Variants in CNTN5 observed in about 807,000 individuals in gnomAD.
The protein encoded by CNTN5 is contactin-5.
Under a neutral mutation model 129.1 loss-of-function variants are expected in CNTN5, and 77 were observed. The ratio of observed to expected loss-of-function variants is 0.60; its 90% confidence interval spans 0.50 to 0.72. The LOEUF (loss-of-function observed/expected upper bound fraction) is 0.72. Among genes scored for constraint, CNTN5 ranks in the 30% least tolerant of loss-of-function variants. The probability of loss-of-function intolerance (pLI) is 0.00; values close to 1 mark genes in which losing one functional copy is unlikely to be tolerated. For missense variants in CNTN5, 1,478 were observed against 1,328.8 expected, an observed-to-expected ratio of 1.11 and a Z score of -1.75; for synonymous variants, 509 against 465.6, an observed-to-expected ratio of 1.09 and a Z score of -1.20.
chr11:99,784,594 T>G (rs1220670742), intron 3 of CNTN5, among the ~76,000 whole-genome samples: 1 of 152,080 alleles, frequency 6.6e-6, no homozygotes, highest in Non-Finnish European at 1.5e-5. Flanking sequence ...TACCCAGTCA[T>G]AGGATTGCTG....
chr11:99,550,659 G>A (rs1418908672), intron 2 of CNTN5, among the ~76,000 whole-genome samples: 1 of 152,112 alleles, frequency 6.6e-6, no homozygotes, highest in Admixed American at 6.6e-5. Context: ...AGTGGGAGTA[G>A]AAACACTTTT....
At chr11:99,414,551 A>T (rs1488142828) in intron 2 of CNTN5, among the ~76,000 whole-genome samples, 2 of 152,134 alleles carry the variant, frequency 1.3e-5, no homozygotes, top group South Asian at 4.1e-4. Context: ...AAATACATAT[A>T]CAGTATGTCA....
At chr11:99,237,584 G>C (rs1318269038) in intron 1 of CNTN5, among the ~76,000 whole-genome samples, 1 of 152,154 alleles carries the variant, frequency 6.6e-6, no homozygotes, top group Non-Finnish European at 1.5e-5. Flanking sequence ...AGGAGGCTGA[G>C]GCAGGGGAAT....
At chr11:99,925,954 G>A (rs1950052670) in intron 7 of CNTN5, among the ~76,000 whole-genome samples, 1 of 152,092 alleles carries the variant, frequency 6.6e-6, no homozygotes, top group Non-Finnish European at 1.5e-5. Context: ...CAGACATCCA[G>A]GGATTCTCAT....
At chr11:99,155,204 C>T (rs866019142) in intron 1 of CNTN5, among the ~76,000 whole-genome samples, 10 of 152,286 alleles carry the variant, frequency 6.6e-5, no homozygotes, top group South Asian at 4.1e-4. Context: ...TTCCCCCTTC[C>T]GCCCAGCATC....
intron 2 of CNTN5, among the ~76,000 whole-genome samples, chr11:99,328,801 C>T (rs749095776): frequency 6.6e-5 from 9 of 136,876 alleles, no homozygotes; most frequent in Admixed American, 5.1e-4. Context: ...ACCCAGGAGG[C>T]GGAGGTTGCA....
At chr11:99,248,897 G>A (rs867004765) in intron 1 of CNTN5, among the ~76,000 whole-genome samples, 14 of 152,198 alleles carry the variant, frequency 9.2e-5, no homozygotes, top group South Asian at 2.1e-4. Flanking sequence ...GTCAGGTAGC[G>A]TGATGCCTCC....
At chr11:99,295,343 T>A (rs1245525273) in intron 1 of CNTN5, among the ~76,000 whole-genome samples, 2 of 152,226 alleles carry the variant, frequency 1.3e-5, no homozygotes, top group East Asian at 1.9e-4. Flanking sequence ...GCTGCACAGG[T>A]ACTTTTCTGT....
intron 3 of CNTN5, among the ~76,000 whole-genome samples, chr11:99,800,805 G>A (rs1428742667): frequency 6.6e-6 from 1 of 152,052 alleles, no homozygotes; most frequent in African/African-American, 2.4e-5. Context: ...CTGAACCTGT[G>A]GGTGTTGTTT....
chr11:100,085,514 A>G (rs1944515722), intron 13 of CNTN5, among the ~76,000 whole-genome samples: 1 of 152,036 alleles, frequency 6.6e-6, no homozygotes. Flanking sequence ...TCATACCAAG[A>G]TAAGTAAGAG....
At chr11:99,389,895 G>A (rs757580320) in intron 2 of CNTN5, among the ~76,000 whole-genome samples, 11 of 152,074 alleles carry the variant, frequency 7.2e-5, no homozygotes, top group Admixed American at 3.3e-4. Flanking sequence ...TCCTTTAATC[G>A]AATGTGAAAG....
chr11:99,994,813 A>G (rs567543607), intron 8 of CNTN5, among the ~76,000 whole-genome samples: 1 of 152,290 alleles, frequency 6.6e-6, no homozygotes, highest in South Asian at 2.1e-4. Context: ...ACTTCACATC[A>G]TTAGAAACAT....
chr11:100,139,662 A>G (rs1156313923), intron 13 of CNTN5, among the ~76,000 whole-genome samples: 1 of 152,092 alleles, frequency 6.6e-6, no homozygotes, highest in African/African-American at 2.4e-5. Flanking sequence ...TCAGGAGTTC[A>G]TGATCAGCCT....
chr11:99,389,930 A>G (rs992370790), intron 2 of CNTN5, among the ~76,000 whole-genome samples: 1 of 152,198 alleles, frequency 6.6e-6, no homozygotes, highest in Non-Finnish European at 1.5e-5. Flanking sequence ...GAATCAAGTT[A>G]AAATTTAATA....
chr11:99,825,697 C>G (rs906061928), intron 4 of CNTN5, among the ~76,000 whole-genome samples: 3 of 151,980 alleles, frequency 2.0e-5, no homozygotes, highest in African/African-American at 7.2e-5. Context: ...GTTATGTTCC[C>G]TTTGTACTTT....
intron 21 of CNTN5, among the ~76,000 whole-genome samples, chr11:100,328,213 G>T (rs934227290): frequency 6.6e-6 from 1 of 151,972 alleles, no homozygotes; most frequent in African/African-American, 2.4e-5. Context: ...AAAATTAGCT[G>T]GGTGTGTTGG....
intron 1 of CNTN5, among the ~76,000 whole-genome samples, chr11:99,295,853 G>A (rs958526476): frequency 1.3e-4 from 19 of 145,762 alleles, no homozygotes; most frequent in Middle Eastern, 3.6e-3. Context: ...TCCGCAGTCT[G>A]GCCTGGGCGA....
At chr11:100,050,612 A>G (rs1410169246) in intron 9 of CNTN5, among the ~76,000 whole-genome samples, 1 of 152,048 alleles carries the variant, frequency 6.6e-6, no homozygotes, top group South Asian at 2.1e-4. Context: ...GTACCCTAAA[A>G]CTTAAAGTAT....
At chr11:100,073,568 G>T (rs1944013895) in intron 12 of CNTN5, among the ~76,000 whole-genome samples, 1 of 151,620 alleles carries the variant, frequency 6.6e-6, no homozygotes, top group South Asian at 2.1e-4. Context: ...CTAAATTATA[G>T]TATACACAGT....
Sources: allele counts gnomAD v4.1 joint callset (sites outside exome capture counted in the v4.1 genomes callset), GRCh38; gene constraint gnomAD v4.1.1; transcripts MANE v1.5; gene names NCBI Gene and HGNC (gene_info 2026-07-23, HGNC 2026-07-21).